The following AGER variants were observed in gnomAD, a reference collection of about 807,000 sequenced individuals.
AGER encodes the protein advanced glycation end product-specific receptor.
A neutral mutation model predicts 48.8 loss-of-function variants in AGER; 46 were observed. That is an observed-to-expected ratio of 0.94 (90% CI 0.74 to 1.20). The LOEUF (loss-of-function observed/expected upper bound fraction) is 1.20, where lower values mean the gene tolerates loss of function less well. AGER is among the 50% of genes most tolerant of loss of function. AGER has a pLI of 0.00. For synonymous variants in AGER, 170 were observed against 199.9 expected (o/e 0.85, Z 1.26); for missense variants, 489 against 515.0 (o/e 0.95, Z 0.49).
At position 32,181,205 on chromosome 6, in the gene AGER, G is replaced by T; in HGVS notation, c.1153C>A (p.Arg385Ser). 6.2e-7 allele frequency: 1 copy of T among 1,614,168 alleles called. No homozygotes were observed. Among genetic ancestry groups the T allele is most frequent in the Non-Finnish European group, 8.5e-7 (1 of 1,180,020 alleles). Residue 385 changes from arginine (R) to serine (S), a missense_variant, in exon 11 of 11, where the codon CGT (arginine) becomes AGT (serine). Arg to Ser is a moderately radical substitution (Grantham distance 110, BLOSUM62 -1). Transcript: ENST00000375076. The surrounding 1 kb of genome is among the most constrained non-coding windows in gnomAD (Gnocchi z 4.1). ...TCCTCCGACTGATTCAGTTCTGCACGCTCCTCCTCTTCCTCCTGGTTTTCT... is the reference window on the plus strand; with the variant it reads ...TCCTCCGACTGATTCAGTTCTGCACTCTCCTCCTCTTCCTCCTGGTTTTCT... ...APENQEEEEE[R>S]AELNQSEEPE...
intron 1 of AGER, 72 bp from the exon 2 acceptor site, chr6:32,184,059 G>A: frequency 6.2e-7 from 1 of 1,609,562 alleles, no homozygotes; most frequent in Non-Finnish European, 8.5e-7. Context: ...GGGTGGGTGA[G>A]GGACCTTGAA....
In AGER at chr6:32,183,999, C is replaced by T; in HGVS notation, c.53-12G>A. 1 of 1,613,006 alleles carries T rather than the reference C, an allele frequency of 6.2e-7. No homozygotes were observed. The highest frequency in any genetic ancestry group is 8.5e-7 in the Non-Finnish European group (1 of 1,179,996). On this transcript the variant is annotated splice_polypyrimidine_tract_variant and intron_variant, in intron 1 of 10. Transcript: ENST00000375076. Reference sequence around the variant, plus strand: ...ACCTACTACTGCCCCTGGGAGATAGCACCATGGTAGAGGGGTAGGAAGGGA... The same window carrying T: ...ACCTACTACTGCCCCTGGGAGATAGTACCATGGTAGAGGGGTAGGAAGGGA...
Position 32,181,384 on chromosome 6 carries a change from A to G in AGER, c.1085T>C (p.Leu362Ser). Residue 362 changes from leucine to serine, a missense_variant, in exon 10 of 11, where the codon TTG becomes TCG. By Grantham distance (145) the Leu-to-Ser change is moderately radical (BLOSUM62 -2). Transcript: ENST00000375076. This position sits in a 1 kb window ranked among gnomAD's most constrained non-coding sequence, Gnocchi z 4.1. ...TCCTCGGCGTTGCCGCCTTTGCCAC[A>G]AGATGACCCCAATGAGCAGGGCGGC... ...GTAALLIGVI[L>S]WQRRQRRGEE... is the part of the protein sequence containing the mutation. 1.2e-6 allele frequency: 2 copies of G among 1,612,838 alleles called. No homozygotes were observed. Among genetic ancestry groups the G allele is most frequent in the Non-Finnish European group, 1.7e-6 (2 of 1,179,266 alleles).
Position 32,181,139 on chromosome 6 carries a change from C to T in AGER, c.*4G>A, listed in dbSNP as rs370891239. On this transcript the variant is annotated 3_prime_UTR_variant, in exon 11 of 11. Coordinates refer to ENST00000375076, the MANE Select transcript of AGER (RefSeq NM_001136.5). This position sits in a 1 kb window ranked among gnomAD's most constrained non-coding sequence, Gnocchi z 4.1. ...CTGATGGATGGGATCTGTCTGTGGG[C>T]CCCTCAAGGCCCTCCAGTACTACTC... is the stretch of plus-strand genomic sequence containing the variant. 6.2e-7 allele frequency: 1 copy of T among 1,614,062 alleles called. No individual in the cohort carries two copies. Among genetic ancestry groups the T allele is most frequent in the African/African-American group, 1.3e-5 (1 of 75,064 alleles).
Position 32,182,078 on chromosome 6 carries a change from C to G in AGER, c.964+169G>C. 1.0e-6 allele frequency: 1 copy of G among 965,126 alleles called. No homozygotes were observed. The highest frequency in any genetic ancestry group is 1.6e-6 in the Non-Finnish European group (1 of 623,886). The allele number at this position is 965,126 out of a possible 1,614,324, so 59.8% of individuals were successfully genotyped here. A position where few individuals can be genotyped will look rare whatever the true frequency, so the allele number is the denominator to read the frequency against. On this transcript the variant is annotated intron_variant, in intron 8 of 10. Coordinates refer to ENST00000375076, the MANE Select transcript of AGER (RefSeq NM_001136.5). The surrounding 1 kb of genome is among the most constrained non-coding windows in gnomAD (Gnocchi z 5.1). Reference sequence around the variant, plus strand: ...CAGAGGGAAGAAGGGAGAGGCTTGGCTGCTCTCTTGGCAGAATTTGGGTGG... The same window carrying G: ...CAGAGGGAAGAAGGGAGAGGCTTGGGTGCTCTCTTGGCAGAATTTGGGTGG...
At position 32,182,040 on chromosome 6, in the gene AGER, CCTTT is replaced by C. The variant is rs762301169; in HGVS notation, c.964+203_964+206del. Reference sequence around the variant, plus strand: ...GAGCCACCGCGCCCAGCCGTCTGTTCCTTTTTTTAGCTCAGAGGGAAGAAGGGAG... The same window carrying C: ...GAGCCACCGCGCCCAGCCGTCTGTTCTTTTAGCTCAGAGGGAAGAAGGGAG... On this transcript the variant is annotated intron_variant, in intron 8 of 10. Coordinates refer to ENST00000375076, the MANE Select transcript of AGER (RefSeq NM_001136.5). This position sits in a 1 kb window ranked among gnomAD's most constrained non-coding sequence, Gnocchi z 5.1. 9.8e-6 allele frequency: 8 copies of C among 816,606 alleles called. No homozygotes were observed. The highest frequency in any genetic ancestry group is 1.6e-5 in the Non-Finnish European group (8 of 491,086). The allele number at this position is 816,606 out of a possible 1,614,324, so 50.6% of individuals were successfully genotyped here.
Position 32,181,088 on chromosome 6 carries a change from C to T in AGER, c.*55G>A. Reference sequence around the variant, plus strand: ...GGAGAGAGTTGGTCTGAGGCCAGAACAGTTCAAGGGAAAAAGAAAAGGGAG... The same window carrying T: ...GGAGAGAGTTGGTCTGAGGCCAGAATAGTTCAAGGGAAAAAGAAAAGGGAG... On this transcript the variant is annotated 3_prime_UTR_variant, in exon 11 of 11. Transcript: ENST00000375076. This position sits in a 1 kb window ranked among gnomAD's most constrained non-coding sequence, Gnocchi z 4.1. 6.3e-7 allele frequency: 1 copy of T among 1,575,726 alleles called. No homozygotes were observed. The highest frequency in any genetic ancestry group is 1.1e-5 in the South Asian group (1 of 90,314).
chr6:32,183,774 A>C, intron 2 of AGER, 24 bp from the exon 3 acceptor site: 2 of 1,612,354 alleles, frequency 1.2e-6, no homozygotes, highest in Non-Finnish European at 1.7e-6. Context: ...AGCAGGGCCT[A>C]AACAGTGCAA....
Position 32,182,394 on chromosome 6 carries a change from G to T in AGER, c.823-6C>A, listed in dbSNP as rs149624763. ...GGAAGGGGCAAGGGCACACCCTGGT[G>T]GGGGAAGGGGAGAGGAGACTATTTC... On this transcript the variant is annotated splice_region_variant and splice_polypyrimidine_tract_variant and intron_variant, in intron 7 of 10. Coordinates refer to ENST00000375076, the MANE Select transcript of AGER (RefSeq NM_001136.5). This position sits in a 1 kb window ranked among gnomAD's most constrained non-coding sequence, Gnocchi z 5.1. 7.5e-6 allele frequency: 12 copies of T among 1,608,792 alleles called. No individual in the cohort carries two copies. The South Asian group carries it at 9.9e-5, about 13-fold the overall frequency.
chr6:32,181,473 A>C lies in AGER; in HGVS notation c.996T>G (p.Ser332=). The change falls in exon 10 of 11, where the codon TCT becomes TCG. Residue 332 remains serine, a synonymous_variant. Transcript: ENST00000375076. This position sits in a 1 kb window ranked among gnomAD's most constrained non-coding sequence, Gnocchi z 4.1. The part of the protein sequence containing the change: ...EPGEEGPTAG[S]VGGSGLGTLA... ...GAGTTCCCAGCCCTGATCCTCCCACAGAGCCTGTACGGAGACAGGGAAAAT... is the reference window on the plus strand; with the variant it reads ...GAGTTCCCAGCCCTGATCCTCCCACCGAGCCTGTACGGAGACAGGGAAAAT... The C allele has an allele frequency of 6.2e-7, 1 of 1,613,262 alleles. No individual in the cohort carries two copies. Among genetic ancestry groups the C allele is most frequent in the Non-Finnish European group, 8.5e-7 (1 of 1,180,018 alleles).
chr6:32,182,899 G>T lies in AGER; in HGVS notation c.633C>A (p.Ser211Arg), dbSNP rs1178009793. ...AGGCCCGGTGTCGGGGAAGGCCTGG[G>T]CTGAAGCTACAGGAGAAGGTGGGAC... Reference protein sequence around the residue: ...DPRPTFSCSFSPGLPRHRALR... With the variant: ...DPRPTFSCSFRPGLPRHRALR... Residue 211 changes from serine to arginine, a missense_variant, in exon 6 of 11, where the codon AGC (serine) becomes AGA (arginine). By Grantham distance (110) the Ser-to-Arg change is moderately radical (BLOSUM62 -1). Transcript: ENST00000375076. The surrounding 1 kb of genome is among the most constrained non-coding windows in gnomAD (Gnocchi z 5.1). 2 of 1,611,876 alleles carry T rather than the reference G, an allele frequency of 1.2e-6. No individual in the cohort carries two copies. The highest frequency in any genetic ancestry group is 2.2e-5 in the South Asian group (2 of 91,054).
chr6:32,182,998 C>G lies in AGER; in HGVS notation c.534G>C (p.Arg178Ser), dbSNP rs752477230. 9.3e-6 allele frequency: 15 copies of G among 1,612,938 alleles called. No homozygotes were observed. In the Admixed American group the frequency reaches 2.5e-4, roughly 27 times the overall value. The change falls in exon 6 of 11, where the codon AGG (arginine) becomes AGC (serine). Residue 178 changes from arginine to serine, a missense_variant. Transcript: ENST00000375076. This position sits in a 1 kb window ranked among gnomAD's most constrained non-coding sequence, Gnocchi z 5.1. ...EKGVSVKEQT[R>S]RHPETGLFTL... ...TGAAGAGCCCTGTCTCAGGGTGTCTCCTGGTCTGTTCCTTCACAGATACTC... is the reference window on the plus strand; with the variant it reads ...TGAAGAGCCCTGTCTCAGGGTGTCTGCTGGTCTGTTCCTTCACAGATACTC...
Position 32,183,032 on chromosome 6 carries a change from G to A in AGER, c.509-9C>T. 1.9e-6 allele frequency: 3 copies of A among 1,613,080 alleles called. No homozygotes were observed. Among genetic ancestry groups the A allele is most frequent in the Non-Finnish European group, 2.5e-6 (3 of 1,180,026 alleles). ...TTCCTTCACAGATACTCCTATGATG[G>A]GAGGATAAGACAAATTATCCCAGGG... On this transcript the variant is annotated splice_polypyrimidine_tract_variant and intron_variant, in intron 5 of 10. Transcript: ENST00000375076.
chr6:32,184,223 C>T lies in AGER; in HGVS notation c.-1G>A. 2 of 1,612,434 alleles carry T rather than the reference C, an allele frequency of 1.2e-6. No individual in the cohort carries two copies. Among genetic ancestry groups the T allele is most frequent in the Non-Finnish European group, 1.7e-6 (2 of 1,179,692 alleles). On this transcript the variant is annotated 5_prime_UTR_variant, in exon 1 of 11. Transcript: ENST00000375076. ...CTCCAACTGCTGTTCCGGCAGCCATCCTGCTTCCTTCCAGGGTCCTGGCTC... is the reference window on the plus strand; with the variant it reads ...CTCCAACTGCTGTTCCGGCAGCCATTCTGCTTCCTTCCAGGGTCCTGGCTC...
rs1561868364 is a variant in AGER at position 32,181,254 on chromosome 6, T to TG, written c.1119-16dup. On this transcript the variant is annotated splice_polypyrimidine_tract_variant and intron_variant, in intron 10 of 10. Coordinates refer to ENST00000375076, the MANE Select transcript of AGER (RefSeq NM_001136.5). This position sits in a 1 kb window ranked among gnomAD's most constrained non-coding sequence, Gnocchi z 4.1. Reference sequence around the variant, plus strand: ...CTGGGGCCTTCCTGAGGAGAAAGATTGGGGGGAATGCGGCACGTTGTCGTT... The same window carrying TG: ...CTGGGGCCTTCCTGAGGAGAAAGATTGGGGGGGAATGCGGCACGTTGTCGTT... 4.0e-5 allele frequency: 64 copies of TG among 1,614,086 alleles called. No individual in the cohort carries two copies. The highest frequency in any genetic ancestry group is 5.2e-5 in the Non-Finnish European group (61 of 1,180,036).
In AGER at chr6:32,182,836, C is replaced by T; in HGVS notation, c.691+5G>A. The T allele has an allele frequency of 6.2e-7, 1 of 1,612,376 alleles. No homozygotes were observed. On this transcript the variant is annotated splice_donor_5th_base_variant and intron_variant, in intron 6 of 10. Coordinates refer to ENST00000375076, the MANE Select transcript of AGER (RefSeq NM_001136.5). This position sits in a 1 kb window ranked among gnomAD's most constrained non-coding sequence, Gnocchi z 5.1. ...GAGCTTGGGGCCCTCCCCACCTATG[C>T]TCACCCCAGACACGGGGCTGGATGG...
chr6:32,182,729 G>A lies in AGER; in HGVS notation c.692-31C>T, dbSNP rs771002177. The A allele has an allele frequency of 1.2e-6, 2 of 1,613,056 alleles. No individual in the cohort carries two copies. Among genetic ancestry groups the A allele is most frequent in the Non-Finnish European group, 8.5e-7 (1 of 1,180,026 alleles). On this transcript the variant is annotated intron_variant, in intron 6 of 10. Transcript: ENST00000375076. The surrounding 1 kb of genome is among the most constrained non-coding windows in gnomAD (Gnocchi z 5.1). ...AGTTGGAAGGGTTTTGAGGTGGAGA[G>A]TTACACTTGTGAGTGATCCCAGTGG...
At position 32,183,634 on chromosome 6, in the gene AGER, C is replaced by T. The variant is rs1489395477; in HGVS notation, c.276G>A (p.Gln92=). 6.2e-7 allele frequency: 1 copy of T among 1,612,970 alleles called. No individual in the cohort carries two copies. Among genetic ancestry groups the T allele is most frequent in the African/African-American group, 1.3e-5 (1 of 74,918 alleles). ...CCTGGCACCGGAAAATCCCCTCATC[C>T]TGGATCCCGACAGCCGGAAGGAAGA... The part of the protein sequence containing the change: ...GSLFLPAVGI[Q]DEGIFRCQAM... The change falls in exon 3 of 11, where the codon CAG becomes CAA. Residue 92 remains glutamine, a synonymous_variant. Coordinates refer to ENST00000375076, the MANE Select transcript of AGER (RefSeq NM_001136.5).
rs1786231209 is a variant in AGER at position 32,181,604 on chromosome 6, A to T, written c.991+2T>A. The T allele has an allele frequency of 6.2e-7, 1 of 1,612,552 alleles. No homozygotes were observed. The highest frequency in any genetic ancestry group is 1.1e-5 in the South Asian group (1 of 91,070). ...CTTCCCTGACTTTATCAAACCCCTC[A>T]CCTGCAGTTGGCCCCTCCTCGCCTG... On this transcript the variant is annotated splice_donor_variant, in intron 9 of 10. Coordinates refer to ENST00000375076, the MANE Select transcript of AGER (RefSeq NM_001136.5). LOFTEE classifies it high-confidence loss of function. This position sits in a 1 kb window ranked among gnomAD's most constrained non-coding sequence, Gnocchi z 4.1.
Sources: allele counts gnomAD v4.1 joint callset, GRCh38; gene constraint gnomAD v4.1.1; non-coding constraint Gnocchi (gnomAD v3.1); transcripts MANE v1.5; gene names NCBI Gene and HGNC (gene_info 2026-07-23, HGNC 2026-07-21).